CASD1: variants seen among roughly 807,000 people sequenced by gnomAD.
The protein encoded by CASD1 is N-acetylneuraminate (7)9-O-acetyltransferase.
In CASD1, 41 loss-of-function variants were observed where a neutral mutation model predicts 100.0. The ratio of observed to expected loss-of-function variants is 0.41; its 90% CI spans 0.32 to 0.53. The LOEUF is 0.53. Among genes scored for constraint, CASD1 ranks in the 20% least tolerant of loss-of-function variants. The probability of loss-of-function intolerance (pLI) is 0.25; values close to 1 mark genes in which losing one functional copy is unlikely to be tolerated. For missense variants in CASD1, 774 were observed against 948.7 expected (o/e 0.82, Z 2.42); for synonymous variants, 321 against 315.6 (o/e 1.02, Z -0.18).
chr7:94,630,236 C>CT, the CASD1 span, among the ~76,000 whole-genome samples: 4 of 151,482 alleles, frequency 2.6e-5, no homozygotes, highest in East Asian at 1.9e-4. Flanking sequence ...TTCTTCTTTC[C>CT]TTTTTTTTAA....
chr7:94,618,087 C>T, the CASD1 span: 2 of 152,204 alleles, frequency 1.3e-5, no homozygotes, highest in Non-Finnish European at 2.9e-5. Flanking sequence ...AGGATTCTTT[C>T]TTGACCTCCA....
chr7:94,526,622 T>G (rs1794582648), intron 3 of CASD1, among the ~76,000 whole-genome samples: 1 of 152,104 alleles, frequency 6.6e-6, no homozygotes, highest in African/African-American at 2.4e-5. Flanking sequence ...ACCCCGTCGC[T>G]ACAAAAAATT....
chr7:94,606,868 G>C, the CASD1 span, among the ~76,000 whole-genome samples: 1 of 152,232 alleles, frequency 6.6e-6, no homozygotes, highest in Middle Eastern at 3.4e-3. Context: ...ATTGCACATG[G>C]ATTAAAGGAG....
chr7:94,533,621 A>G, intron 6 of CASD1, 58 bp from the exon 7 acceptor site: 1 of 1,303,350 alleles, frequency 7.7e-7, no homozygotes, highest in Non-Finnish European at 1.0e-6. Flanking sequence ...GGTAAATTAT[A>G]TACTTTAATT....
At chr7:94,632,966 C>T in the CASD1 span, among the ~76,000 whole-genome samples, 3 of 152,098 alleles carry the variant, frequency 2.0e-5, no homozygotes, top group African/African-American at 7.2e-5. Flanking sequence ...AAACCATAAG[C>T]TTAAAGCATG....
chr7:94,569,991 T>A, the CASD1 span, among the ~76,000 whole-genome samples: 1 of 151,834 alleles, frequency 6.6e-6, no homozygotes, highest in Non-Finnish European at 1.5e-5. Flanking sequence ...TTTTTTGTAT[T>A]TTTAGTAGAG....
At chr7:94,608,065 CG>C in the CASD1 span, among the ~76,000 whole-genome samples, 6 of 152,118 alleles carry the variant, frequency 3.9e-5, no homozygotes, top group African/African-American at 1.4e-4. Context: ...AAACAGAGGC[CG>C]GGTGTGATGG....
At chr7:94,570,207 T>C in the CASD1 span, among the ~76,000 whole-genome samples, 3 of 152,186 alleles carry the variant, frequency 2.0e-5, no homozygotes, top group Non-Finnish European at 4.4e-5. Context: ...GTCTTATTAT[T>C]TTTTTGTCCC....
intron 15 of CASD1, chr7:94,552,130 A>C (rs957199084): frequency 1.5e-5 from 7 of 475,474 alleles, no homozygotes; most frequent in African/African-American, 1.2e-4. Context: ...CCAGAAAAGC[A>C]CAGACTTGTG....
At chr7:94,628,204 C>T in the CASD1 span, 1 of 1,609,970 alleles carries the variant, frequency 6.2e-7, no homozygotes, top group Non-Finnish European at 8.5e-7. Context: ...TAAATTACCT[C>T]AATGATTGTT....
At position 94,552,425 on chromosome 7, in the gene CASD1, C is replaced by T. The variant is rs1795995316; in HGVS notation, c.2032C>T (p.Gln678Ter). The change falls in exon 16 of 18, where the codon CAG becomes TAG. Residue 678 changes from glutamine (Q) to a stop codon, truncating the protein, a stop_gained and splice_region_variant. Transcript: ENST00000297273. LOFTEE classifies it high-confidence loss of function. ...ACTCCATCCGTCTGTTTCTGTGGTA[C>T]AGGTACTATCTTGATTTAGAGAAAT... ...NELHPSVSVVQILAFILIRNI... is the reference protein window; with the variant it reads ...NELHPSVSVV 1 of 1,599,832 alleles carries T rather than the reference C, an allele frequency of 6.3e-7. No individual in the cohort carries two copies. The highest frequency in any genetic ancestry group is 1.4e-5 in the African/African-American group (1 of 73,992).
rs567795461 is a variant in CASD1 at position 94,553,053 on chromosome 7, G to A, written c.2034+626G>A. 13 of 314,718 alleles carry A rather than the reference G, an allele frequency of 4.1e-5. 1 individual carries two copies. The East Asian group carries it at 5.0e-4, about 12-fold the overall frequency. 19.5% of individuals were successfully genotyped at this position (314,718 alleles called of 1,614,324 possible). On this transcript the variant is annotated intron_variant, in intron 16 of 17. Transcript: ENST00000297273. ...TTATGGAGCCTACATTCTTTTTAGC[G>A]TTGTACAACTTATGCAATACTTTAA... is the stretch of plus-strand genomic sequence containing the variant.
chr7:94,528,196 G>A lies in CASD1; in HGVS notation c.405G>A (p.Leu135=), dbSNP rs1369972592. The change falls in exon 5 of 18, where the codon CTG becomes CTA. Residue 135 remains leucine, a synonymous_variant. Coordinates refer to ENST00000297273, the MANE Select transcript of CASD1 (RefSeq NM_022900.5). ...TAACATTTCTCTTTTAGGATTTTCTGTGGCATCCTGAAGTTAATGGTTCTA... is the reference window on the plus strand; with the variant it reads ...TAACATTTCTCTTTTAGGATTTTCTATGGCATCCTGAAGTTAATGGTTCTA... ...DKTASVKVDF[L]WHPEVNGSMK... 6.2e-7 allele frequency: 1 copy of A among 1,605,682 alleles called. No homozygotes were observed. The highest frequency in any genetic ancestry group is 1.7e-5 in the Admixed American group (1 of 59,252).
chr7:94,628,429 C>A, the CASD1 span: 1 of 1,333,822 alleles, frequency 7.5e-7, no homozygotes, highest in Non-Finnish European at 1.1e-6. Flanking sequence ...TAGTTTCAAT[C>A]AAAACATTCT....
At chr7:94,512,462 T>A (rs1040316562) in intron 1 of CASD1, among the ~76,000 whole-genome samples, 2 of 152,184 alleles carry the variant, frequency 1.3e-5, no homozygotes, top group African/African-American at 4.8e-5. Flanking sequence ...TGAGGCAAGG[T>A]AGAGTGAATG....
Position 94,552,207 on chromosome 7 carries a change from G to A in CASD1, c.1957-143G>A, listed in dbSNP as rs567849013. 3.8e-5 allele frequency: 24 copies of A among 624,694 alleles called. No individual in the cohort carries two copies. In the South Asian group the frequency reaches 4.5e-4, roughly 12 times the overall value. 38.7% of individuals were successfully genotyped at this position (624,694 alleles called of 1,614,324 possible). A position where few individuals can be genotyped will look rare whatever the true frequency, so the allele number is the denominator to read the frequency against. ...ACCAAAACAGGTGATGAGCAAACTT[G>A]CAAGCAGTTTTTACTGATAGTTTTT... is the stretch of plus-strand genomic sequence containing the variant. On this transcript the variant is annotated intron_variant, in intron 15 of 17. Coordinates refer to ENST00000297273, the MANE Select transcript of CASD1 (RefSeq NM_022900.5).
chr7:94,587,347 C>G, the CASD1 span: 1 of 1,018,028 alleles, frequency 9.8e-7, no homozygotes, highest in African/African-American at 1.7e-5. Flanking sequence ...TTTAAATACT[C>G]AAAATAAATA....
chr7:94,599,942 G>T, the CASD1 span: 1 of 405,712 alleles, frequency 2.5e-6, no homozygotes, highest in Non-Finnish European at 4.4e-6. Flanking sequence ...TGAAAAAAAT[G>T]GAGATTAAGA....
At position 94,539,031 on chromosome 7, in the gene CASD1, T is replaced by C. The variant is rs184723226; in HGVS notation, c.1331T>C (p.Ile444Thr). The C allele has an allele frequency of 6.2e-7, 1 of 1,604,056 alleles. No homozygotes were observed. The highest frequency in any genetic ancestry group is 2.2e-5 in the East Asian group (1 of 44,650). ...WKGWMQLVIL[I>T]YHISGASTFL... ...GGCTGGATGCAACTTGTGATTTTGA[T>C]TTATCACATTTCTGGAGCAAGTACA... The change falls in exon 10 of 18, where the codon ATT becomes ACT. Residue 444 changes from isoleucine to threonine, a missense_variant. This residue lies in a region of CASD1 where 453 missense variants were observed against 532.6 expected (regional missense o/e 0.85). Coordinates refer to ENST00000297273, the MANE Select transcript of CASD1 (RefSeq NM_022900.5).
Sources: gnomAD v4.1 joint callset for allele counts (sites outside exome capture counted in the v4.1 genomes callset) on GRCh38, gnomAD v4.1.1 for gene constraint, gnomAD v4.1.1 regional missense constraint, MANE v1.5 for transcripts, NCBI Gene and HGNC (gene_info 2026-07-23, HGNC 2026-07-21) for gene names.